The following H1-5 variants were observed in gnomAD, a reference collection of about 807,000 sequenced individuals.
H1-5 encodes the protein H1.5 linker histone, cluster member.
H1-5 carries 3 observed loss-of-function variants against 4.6 expected under a neutral mutation model. The ratio of observed to expected loss-of-function variants is 0.65; its 90% confidence interval spans 0.30 to 1.68. The LOEUF is 1.68. Ranked by LOEUF, H1-5 falls within the 40% of genes most tolerant of loss-of-function variation. The probability of loss-of-function intolerance (pLI) is 0.10; values close to 1 mark genes in which losing one functional copy is unlikely to be tolerated. For missense variants in H1-5, 521 were observed against 287.9 expected, an observed-to-expected ratio of 1.81 and a Z score of -5.86; for synonymous variants, 250 against 123.4, an observed-to-expected ratio of 2.03 and a Z score of -6.80.
rs1761535929 is a variant in H1-5 at position 27,867,269 on chromosome 6, G to A, written c.261C>T (p.Leu87=). 1.9e-6 allele frequency: 3 copies of A among 1,614,118 alleles called. No homozygotes were observed. The Admixed American group carries it at 5.0e-5, about 27-fold the overall frequency. ...EKNNSRIKLG[L]KSLVSKGTLV... ...GGGTGCCCTTGCTCACCAAGCTCTT[G>A]AGGCCCAGCTTAATGCGGCTGTTAT... Residue 87 remains leucine (L), a synonymous_variant, in exon 1 of 1, where the codon CTC becomes CTT. Transcript: ENST00000331442.
Position 27,867,225 on chromosome 6 carries a change from G to C in H1-5, c.305C>G (p.Thr102Ser), listed in dbSNP as rs200871736. The C allele has an allele frequency of 1.2e-6, 2 of 1,614,236 alleles. No individual in the cohort carries two copies. The highest frequency in any genetic ancestry group is 2.2e-5 in the East Asian group (1 of 44,876). ...GAGTTTAAAGGAGCCAGAAGCACCA[G>C]TGCCCTTGGTCTGCACCAGGGTGCC... ...SKGTLVQTKG[T>S]GASGSFKLNK... is the part of the protein sequence containing the mutation. Residue 102 changes from threonine to serine, a missense_variant, in exon 1 of 1, where the codon ACT becomes AGT. By Grantham distance (58) the Thr-to-Ser change is moderately conservative (BLOSUM62 1). Transcript: ENST00000331442.
In H1-5 at chr6:27,867,413, C is replaced by T. The variant is rs1338651509; in HGVS notation, c.117G>A (p.Thr39=). 6.2e-7 allele frequency: 1 copy of T among 1,613,900 alleles called. No homozygotes were observed. The highest frequency in any genetic ancestry group is 1.7e-5 in the Admixed American group (1 of 59,988). ...TGATCAGCTCTGAGACTGGGGGCCC[C>T]GTCGCTTTGCGCTTAGCAGCGCCGG... ...AGAGAAKRKA[T]GPPVSELITK... Residue 39 remains threonine, a synonymous_variant, in exon 1 of 1, where the codon ACG becomes ACA. Coordinates refer to ENST00000331442, the MANE Select transcript of H1-5 (RefSeq NM_005322.3).
At position 27,867,287 on chromosome 6, in the gene H1-5, G is replaced by A. The variant is rs1405147097; in HGVS notation, c.243C>T (p.Ser81=). Residue 81 remains serine (S), a synonymous_variant, in exon 1 of 1, where the codon AGC becomes AGT. Transcript: ENST00000331442. ...AGCTCTTGAGGCCCAGCTTAATGCGGCTGTTATTCTTCTCCACGTCGTAGC... is the reference window on the plus strand; with the variant it reads ...AGCTCTTGAGGCCCAGCTTAATGCGACTGTTATTCTTCTCCACGTCGTAGC... ...AGGYDVEKNN[S]RIKLGLKSLV... 6.8e-6 allele frequency: 11 copies of A among 1,614,266 alleles called. No homozygotes were observed. The highest frequency in any genetic ancestry group is 6.7e-5 in the Admixed American group (4 of 60,028).
rs372908864 is a variant in H1-5, at chr6:27,867,263, G to A, written c.267C>T (p.Ser89=). The A allele has an allele frequency of 9.3e-6, 15 of 1,614,140 alleles. No individual in the cohort carries two copies. Among genetic ancestry groups the A allele is most frequent in the African/African-American group, 1.3e-5 (1 of 74,950 alleles). The part of the protein sequence containing the change: ...NNSRIKLGLK[S]LVSKGTLVQT... Reference sequence around the variant, plus strand: ...GCACCAGGGTGCCCTTGCTCACCAAGCTCTTGAGGCCCAGCTTAATGCGGC... The same window carrying A: ...GCACCAGGGTGCCCTTGCTCACCAAACTCTTGAGGCCCAGCTTAATGCGGC... The change falls in exon 1 of 1, where the codon AGC becomes AGT. Residue 89 remains serine (S), a synonymous_variant. Transcript: ENST00000331442.
Position 27,867,139 on chromosome 6 carries a change from C to T in H1-5, c.391G>A (p.Ala131Thr). ...PKAKKAGAAKAKKPAGATPKK... is the reference protein window; with the variant it reads ...PKAKKAGAAKTKKPAGATPKK... Reference sequence around the variant, plus strand: ...GGCGTGGCCCCCGCGGGCTTCTTAGCTTTAGCGGCGCCTGCCTTCTTGGCT... The same window carrying T: ...GGCGTGGCCCCCGCGGGCTTCTTAGTTTTAGCGGCGCCTGCCTTCTTGGCT... Residue 131 changes from alanine to threonine, a missense_variant, in exon 1 of 1, where the codon GCT becomes ACT. Transcript: ENST00000331442. 3.1e-6 allele frequency: 5 copies of T among 1,614,148 alleles called. No homozygotes were observed. Among genetic ancestry groups the T allele is most frequent in the Admixed American group, 3.3e-5 (2 of 60,032 alleles).
Position 27,867,302 on chromosome 6 carries a change from C to T in H1-5, c.228G>A (p.Val76=), listed in dbSNP as rs781695711. The T allele has an allele frequency of 3.7e-6, 6 of 1,614,118 alleles. No homozygotes were observed. The Admixed American group carries it at 6.7e-5, about 18-fold the overall frequency. Residue 76 remains valine (V), a synonymous_variant, in exon 1 of 1, where the codon GTG becomes GTA. Transcript: ENST00000331442. ...GCTTAATGCGGCTGTTATTCTTCTCCACGTCGTAGCCACCGGCCGCTAAGG... is the reference window on the plus strand; with the variant it reads ...GCTTAATGCGGCTGTTATTCTTCTCTACGTCGTAGCCACCGGCCGCTAAGG... The part of the protein sequence containing the change: ...KKALAAGGYD[V]EKNNSRIKLG...
chr6:27,867,235 T>C lies in H1-5; in HGVS notation c.295A>G (p.Thr99Ala). The change falls in exon 1 of 1, where the codon ACC becomes GCC. Residue 99 changes from threonine (T) to alanine (A), a missense_variant. Thr to Ala is a moderately conservative substitution (Grantham distance 58). Transcript: ENST00000331442. ...GAGCCAGAAGCACCAGTGCCCTTGG[T>C]CTGCACCAGGGTGCCCTTGCTCACC... ...SLVSKGTLVQ[T>A]KGTGASGSFK... 1 of 1,614,238 alleles carries C rather than the reference T, an allele frequency of 6.2e-7. No homozygotes were observed. Among genetic ancestry groups the C allele is most frequent in the East Asian group, 2.2e-5 (1 of 44,874 alleles).
rs1342055293 is a variant in H1-5, at chr6:27,866,987, G to C, written c.543C>G (p.Ala181=). The change falls in exon 1 of 1, where the codon GCC becomes GCG. Residue 181 remains alanine, a synonymous_variant. Coordinates refer to ENST00000331442, the MANE Select transcript of H1-5 (RefSeq NM_005322.3). ...AKSPKKAKAA[A]KPKKATKSPA... is the part of the protein sequence containing the mutation. ...GACTCTTGGTTGCCTTTTTCGGTTT[G>C]GCAGCGGCCTTGGCCTTCTTAGGGC... The C allele has an allele frequency of 4.3e-6, 7 of 1,614,166 alleles. No homozygotes were observed. Among genetic ancestry groups the C allele is most frequent in the Non-Finnish European group, 5.9e-6 (7 of 1,180,028 alleles).
chr6:27,867,504 G>A lies in H1-5; in HGVS notation c.26C>T (p.Thr9Ile), dbSNP rs778865396. The A allele has an allele frequency of 3.2e-6, 5 of 1,560,778 alleles. No individual in the cohort carries two copies. The highest frequency in any genetic ancestry group is 1.4e-5 in the African/African-American group (1 of 72,552). MSETAPAE[T>I]ATPAPVEKSP... ...TTTCTCCACCGGCGCTGGGGTGGCT[G>A]TCTCGGCAGGAGCGGTTTCCGACAT... is the stretch of plus-strand genomic sequence containing the variant. The change falls in exon 1 of 1, where the codon ACA becomes ATA. Residue 9 changes from threonine to isoleucine, a missense_variant. By Grantham distance (89) the Thr-to-Ile change is moderately conservative (BLOSUM62 -1). Coordinates refer to ENST00000331442, the MANE Select transcript of H1-5 (RefSeq NM_005322.3).
chr6:27,867,248 G>T lies in H1-5; in HGVS notation c.282C>A (p.Gly94=). The change falls in exon 1 of 1, where the codon GGC becomes GGA. Residue 94 remains glycine (G), a synonymous_variant. Transcript: ENST00000331442. ...CAGTGCCCTTGGTCTGCACCAGGGTGCCCTTGCTCACCAAGCTCTTGAGGC... is the reference window on the plus strand; with the variant it reads ...CAGTGCCCTTGGTCTGCACCAGGGTTCCCTTGCTCACCAAGCTCTTGAGGC... ...KLGLKSLVSK[G]TLVQTKGTGA... 1.2e-6 allele frequency: 2 copies of T among 1,614,240 alleles called. No homozygotes were observed. Among genetic ancestry groups the T allele is most frequent in the African/African-American group, 1.3e-5 (1 of 75,062 alleles).
At position 27,867,333 on chromosome 6, in the gene H1-5, T is replaced by TG; in HGVS notation, c.196_197insC (p.Lys66ThrfsTer15). 6.2e-7 allele frequency: 1 copy of TG among 1,614,286 alleles called. No homozygotes were observed. ...GTAGCCACCGGCCGCTAAGGCCTTC[T>TG]TAAGGGCTGCCAAAGAAAGGCCATT... On this transcript the variant is annotated frameshift_variant, in exon 1 of 1. Transcript: ENST00000331442. LOFTEE classifies it high-confidence loss of function.
rs200387249 is a variant in H1-5, at chr6:27,867,042, G to T, written c.488C>A (p.Ala163Glu). 6 of 1,613,900 alleles carry T rather than the reference G, an allele frequency of 3.7e-6. No individual in the cohort carries two copies. Among genetic ancestry groups the T allele is most frequent in the Non-Finnish European group, 8.5e-7 (1 of 1,179,990 alleles). Residue 163 changes from alanine to glutamate, a missense_variant, in exon 1 of 1, where the codon GCG (alanine) becomes GAG (glutamate). By Grantham distance (107) the Ala-to-Glu change is moderately radical. Coordinates refer to ENST00000331442, the MANE Select transcript of H1-5 (RefSeq NM_005322.3). ...KKTPKKAKKP[A>E]AAGVKKVAKS... ...CGCCACCTTTTTGACGCCAGCCGCC[G>T]CGGGCTTCTTCGCCTTCTTCGGAGT...
At position 27,867,316 on chromosome 6, in the gene H1-5, C is replaced by G; in HGVS notation, c.214G>C (p.Gly72Arg). ...TTATTCTTCTCCACGTCGTAGCCAC[C>G]GGCCGCTAAGGCCTTCTTAAGGGCT... ...LAALKKALAA[G>R]GYDVEKNNSR... Residue 72 changes from glycine (G) to arginine (R), a missense_variant, in exon 1 of 1, where the codon GGT (glycine) becomes CGT (arginine). Transcript: ENST00000331442. The G allele has an allele frequency of 6.2e-7, 1 of 1,614,256 alleles. No individual in the cohort carries two copies. Among genetic ancestry groups the G allele is most frequent in the South Asian group, 1.1e-5 (1 of 91,090 alleles).
At position 27,867,541 on chromosome 6, in the gene H1-5, A is replaced by G. The variant is rs1761546809; in HGVS notation, c.-12T>C. 1.3e-6 allele frequency: 2 copies of G among 1,533,640 alleles called. No individual in the cohort carries two copies. The highest frequency in any genetic ancestry group is 2.8e-5 in the African/African-American group (2 of 72,024). On this transcript the variant is annotated 5_prime_UTR_variant, in exon 1 of 1. Transcript: ENST00000331442. ...GCGGTTTCCGACATGGTGGCAAGAA[A>G]CTGCTAGAAGAGAATAAGCTCGAAA...
In H1-5 at chr6:27,867,369, G is replaced by C. The variant is rs781237661; in HGVS notation, c.161C>G (p.Ser54Cys). The change falls in exon 1 of 1, where the codon TCT (serine) becomes TGT (cysteine). Residue 54 changes from serine (S) to cysteine (C), a missense_variant. Coordinates refer to ENST00000331442, the MANE Select transcript of H1-5 (RefSeq NM_005322.3). ...CAAAGAAAGGCCATTGCGCTCCTTA[G>C]AAGCAGCCACAGCCTTGGTGATCAG... ...SELITKAVAA[S>C]KERNGLSLAA... 4 of 1,614,168 alleles carry C rather than the reference G, an allele frequency of 2.5e-6. No individual in the cohort carries two copies. The Admixed American group carries it at 6.7e-5, about 27-fold the overall frequency.
Position 27,867,337 on chromosome 6 carries a change from G to A in H1-5, c.193C>T (p.Leu65Phe), listed in dbSNP as rs776773973. 4 of 1,614,258 alleles carry A rather than the reference G, an allele frequency of 2.5e-6. No individual in the cohort carries two copies. Among genetic ancestry groups the A allele is most frequent in the Non-Finnish European group, 3.4e-6 (4 of 1,180,052 alleles). Residue 65 changes from leucine to phenylalanine, a missense_variant, in exon 1 of 1, where the codon CTT becomes TTT. Leu to Phe is a conservative substitution (Grantham distance 22). Transcript: ENST00000331442. Reference sequence around the variant, plus strand: ...CCACCGGCCGCTAAGGCCTTCTTAAGGGCTGCCAAAGAAAGGCCATTGCGC... The same window carrying A: ...CCACCGGCCGCTAAGGCCTTCTTAAAGGCTGCCAAAGAAAGGCCATTGCGC... The part of the protein sequence containing the change: ...KERNGLSLAA[L>F]KKALAAGGYD...
Position 27,867,034 on chromosome 6 carries a change from C to T in H1-5, c.496G>A (p.Gly166Ser). 1 of 1,614,008 alleles carries T rather than the reference C, an allele frequency of 6.2e-7. No homozygotes were observed. Among genetic ancestry groups the T allele is most frequent in the Admixed American group, 1.7e-5 (1 of 59,976 alleles). ...GGGCTCTTCGCCACCTTTTTGACGC[C>T]AGCCGCCGCGGGCTTCTTCGCCTTC... ...PKKAKKPAAA[G>S]VKKVAKSPKK... Residue 166 changes from glycine (G) to serine (S), a missense_variant, in exon 1 of 1, where the codon GGC becomes AGC. Gly to Ser is a moderately conservative substitution (Grantham distance 56). Transcript: ENST00000331442.
In H1-5 at chr6:27,866,943, A is replaced by G; in HGVS notation, c.587T>C (p.Val196Ala). Residue 196 changes from valine (V) to alanine (A), a missense_variant, in exon 1 of 1, where the codon GTT becomes GCT. Physicochemically the swap from Val to Ala is moderately conservative, Grantham distance 64. Coordinates refer to ENST00000331442, the MANE Select transcript of H1-5 (RefSeq NM_005322.3). ...ATKSPAKPKAVKPKAAKPKAA... is the reference protein window; with the variant it reads ...ATKSPAKPKAAKPKAAKPKAA... Reference sequence around the variant, plus strand: ...TTTGGGCTTTGCCGCCTTCGGCTTAACTGCCTTGGGCTTGGCAGGACTCTT... The same window carrying G: ...TTTGGGCTTTGCCGCCTTCGGCTTAGCTGCCTTGGGCTTGGCAGGACTCTT... The G allele has an allele frequency of 1.2e-6, 2 of 1,614,144 alleles. No individual in the cohort carries two copies. Among genetic ancestry groups the G allele is most frequent in the East Asian group, 2.2e-5 (1 of 44,874 alleles).
chr6:27,867,182 G>T lies in H1-5; in HGVS notation c.348C>A (p.Ser116=). 1 of 1,614,198 alleles carries T rather than the reference G, an allele frequency of 6.2e-7. No homozygotes were observed. The highest frequency in any genetic ancestry group is 8.5e-7 in the Non-Finnish European group (1 of 1,180,020). ...TCTTGGCTTTGGGCTTGGCTTCCCC[G>T]GAGGCCGCCTTCTTGTTGAGTTTAA... ...GSFKLNKKAA[S]GEAKPKAKKA... Residue 116 remains serine, a synonymous_variant, in exon 1 of 1, where the codon TCC becomes TCA. Transcript: ENST00000331442.
Sources: gnomAD v4.1 joint callset for allele counts on GRCh38, gnomAD v4.1.1 for gene constraint, MANE v1.5 for transcripts, NCBI Gene and HGNC (gene_info 2026-07-23, HGNC 2026-07-21) for gene names.